Variants in BACH2 observed in about 807,000 individuals in gnomAD.
BACH2 encodes the protein transcription regulator protein BACH2.
Under a neutral mutation model 61.8 loss-of-function variants are expected in BACH2, and 5 were observed. That is an observed-to-expected ratio of 0.08 (90% confidence interval 0.04 to 0.17). The LOEUF (loss-of-function observed/expected upper bound fraction) is 0.17. Ranked by LOEUF, BACH2 falls within the 10% of genes least tolerant of loss-of-function variation. BACH2 has a pLI of 1.00. For synonymous variants in BACH2, 446 were observed against 440.1 expected, an observed-to-expected ratio of 1.01 and a Z score of -0.17; for missense variants, 824 against 1,091.1, an observed-to-expected ratio of 0.76 and a Z score of 3.45.
At chr6:90,050,143 T>C (rs1011076812) in intron 5 of BACH2, among the ~76,000 whole-genome samples, 1 of 152,206 alleles carries the variant, frequency 6.6e-6, no homozygotes, top group Non-Finnish European at 1.5e-5. Context: ...AGAATGATAA[T>C]AACATTAATA....
intron 5 of BACH2, among the ~76,000 whole-genome samples, chr6:90,042,453 G>C (rs1346791948): frequency 6.6e-6 from 1 of 151,892 alleles, no homozygotes; most frequent in Non-Finnish European, 1.5e-5. Context: ...ACTCACCTCG[G>C]CCTCCCAAAG....
At chr6:89,994,585 C>T (rs554206597) in intron 6 of BACH2, among the ~76,000 whole-genome samples, 9 of 152,254 alleles carry the variant, frequency 5.9e-5, no homozygotes, top group South Asian at 4.2e-4. Flanking sequence ...CCGAGTTGGA[C>T]GGAAGGGACC....
In BACH2 at chr6:90,265,637, G is replaced by A. The variant is rs76128858; in HGVS notation, c.-353+6212C>T. Among the ~76,000 whole-genome samples, 319 of 152,232 alleles carry A rather than the reference G, an allele frequency of 2.1e-3. 1 individual carries two copies. Among genetic ancestry groups the A allele is most frequent in the Admixed American group, 5.4e-3 (83 of 15,280 alleles). On this transcript the variant is annotated intron_variant, in intron 2 of 8. Transcript: ENST00000257749. ...CTTTACCACTTAAAACACTTTAGAC[G>A]GCTTGTAATCAATTGGATGGCATTT...
intron 4 of BACH2, among the ~76,000 whole-genome samples, chr6:90,142,793 A>G (rs1487413138): frequency 6.6e-6 from 1 of 152,096 alleles, no homozygotes; most frequent in Admixed American, 6.6e-5. Flanking sequence ...GTTTGCTTCT[A>G]TTTTCTAAAG....
At chr6:90,194,786 C>T (rs1768698829) in intron 4 of BACH2, among the ~76,000 whole-genome samples, 1 of 152,202 alleles carries the variant, frequency 6.6e-6, no homozygotes, top group South Asian at 2.1e-4. Context: ...AAACATCCCT[C>T]ACCCATGACT....
At chr6:89,999,996 T>C (rs1278724944) in intron 6 of BACH2, among the ~76,000 whole-genome samples, 5 of 152,234 alleles carry the variant, frequency 3.3e-5, no homozygotes, top group Admixed American at 3.3e-4. Flanking sequence ...CCTACTACTA[T>C]GCCAAAAGAG....
intron 5 of BACH2, among the ~76,000 whole-genome samples, chr6:90,060,294 C>T (rs1780617928): frequency 6.6e-6 from 1 of 152,106 alleles, no homozygotes; most frequent in Non-Finnish European, 1.5e-5. Context: ...TTTAGTTAGG[C>T]TTGCTTATTC....
rs536777244 is a variant in BACH2, at chr6:89,971,749, C to T, written c.244-19887G>A. ...TGGCAAAGACAGAATGAGAGCCAAG[C>T]GAACAGGGAAACTCCTTATAAAACC... On this transcript the variant is annotated intron_variant, in intron 6 of 8. Coordinates refer to ENST00000257749, the MANE Select transcript of BACH2 (RefSeq NM_021813.4). Among the ~76,000 whole-genome samples, 14 of 152,270 alleles carry T rather than the reference C, an allele frequency of 9.2e-5. No individual in the cohort carries two copies. The South Asian group carries it at 2.3e-3, about 25-fold the overall frequency.
At chr6:90,282,554 T>C (rs1440551052) in intron 1 of BACH2, among the ~76,000 whole-genome samples, 3 of 152,208 alleles carry the variant, frequency 2.0e-5, no homozygotes, top group African/African-American at 7.2e-5. Context: ...AGTCTATCAC[T>C]GATGGGCATT....
chr6:90,295,654 G>GGTGGGT (rs1554263736), intron 1 of BACH2, among the ~76,000 whole-genome samples: 2 of 147,734 alleles, frequency 1.4e-5, no homozygotes, highest in African/African-American at 2.5e-5. Context: ...TGGAGTGTAG[G>GGTGGGT]GTGTGTGTGT....
chr6:90,246,578 C>CA (rs897600524), intron 3 of BACH2, among the ~76,000 whole-genome samples: 109 of 148,958 alleles, frequency 7.3e-4, no homozygotes, highest in Middle Eastern at 3.4e-3. Context: ...TACAAACTGG[C>CA]AAAAAAAAAT....
chr6:90,230,657 C>T (rs753934819), intron 3 of BACH2, among the ~76,000 whole-genome samples: 6 of 152,104 alleles, frequency 3.9e-5, no homozygotes, highest in African/African-American at 1.2e-4. Context: ...TAACAATGAA[C>T]GGTACTTCTA....
chr6:89,934,302 C>T (rs903272988), intron 8 of BACH2, among the ~76,000 whole-genome samples: 19 of 152,176 alleles, frequency 1.2e-4, no homozygotes, highest in Non-Finnish European at 2.6e-4. Flanking sequence ...TGAAATTCAC[C>T]ATCCCAATAG....
At chr6:90,245,041 C>A (rs1477121549) in intron 3 of BACH2, among the ~76,000 whole-genome samples, 2 of 151,486 alleles carry the variant, frequency 1.3e-5, no homozygotes, top group South Asian at 2.1e-4. Flanking sequence ...TAAAAACACA[C>A]AAAAAATTAG....
chr6:89,961,780 A>T (rs940720809), intron 6 of BACH2, among the ~76,000 whole-genome samples: 2 of 152,194 alleles, frequency 1.3e-5, no homozygotes, highest in Non-Finnish European at 2.9e-5. Flanking sequence ...CACCCCTGGC[A>T]GATATCTGGA....
At chr6:90,056,115 A>G (rs1273239175) in intron 5 of BACH2, among the ~76,000 whole-genome samples, 4 of 152,216 alleles carry the variant, frequency 2.6e-5, no homozygotes, top group Non-Finnish European at 5.9e-5. Flanking sequence ...AAATTCACAC[A>G]TAACAATATT....
At chr6:89,985,114 A>G (rs1168842008) in intron 6 of BACH2, among the ~76,000 whole-genome samples, 1 of 152,184 alleles carries the variant, frequency 6.6e-6, no homozygotes, top group Non-Finnish European at 1.5e-5. Flanking sequence ...GTGAAGTACT[A>G]ACAGGTAGCA....
chr6:90,072,762 G>C (rs1781296237), intron 5 of BACH2, among the ~76,000 whole-genome samples: 1 of 152,084 alleles, frequency 6.6e-6, no homozygotes, highest in African/African-American at 2.4e-5. Context: ...AGAGAACAGA[G>C]CCTTCAGTAA....
intron 5 of BACH2, among the ~76,000 whole-genome samples, chr6:90,014,468 A>ATATATT (rs1222156456): frequency 1.2e-4 from 4 of 32,306 alleles, no homozygotes; most frequent in East Asian, 9.6e-4. Context: ...ATATATATAT[A>ATATATT]TTTTTTTTTT....
Sources: allele counts gnomAD v4.1 joint callset (sites outside exome capture counted in the v4.1 genomes callset), GRCh38; gene constraint gnomAD v4.1.1; transcripts MANE v1.5; gene names NCBI Gene and HGNC (gene_info 2026-07-23, HGNC 2026-07-21).